Variants in PGLYRP2 observed in about 807,000 individuals in gnomAD.
The protein encoded by PGLYRP2 is peptidoglycan recognition protein 2, also known as N-acetylmuramoyl-L-alanine amidase.
A neutral mutation model predicts 46.2 loss-of-function variants in PGLYRP2; 38 were observed. That is an observed-to-expected ratio of 0.82 (90% confidence interval 0.64 to 1.08). The LOEUF is 1.08. Among genes scored for constraint, PGLYRP2 ranks in the 50% least tolerant of loss-of-function variants. The probability of loss-of-function intolerance (pLI) is 0.00; values close to 1 mark genes in which losing one functional copy is unlikely to be tolerated. For missense variants in PGLYRP2, 713 were observed against 755.9 expected (o/e 0.94, Z 0.67); for synonymous variants, 289 against 329.4 (o/e 0.88, Z 1.33).
Position 15,469,401 on chromosome 19 carries a change from C to G in PGLYRP2, c.1641+231G>C, listed in dbSNP as rs1476429465. Reference sequence around the variant, plus strand: ...TGGGGAAAGGACAGGCTGGCTGGGTCTGGGGCTGAGCTGAGGCTGCATAGG... The same window carrying G: ...TGGGGAAAGGACAGGCTGGCTGGGTGTGGGGCTGAGCTGAGGCTGCATAGG... On this transcript the variant is annotated intron_variant, in intron 4 of 4. Transcript: ENST00000340880. The surrounding 1 kb of genome is among the most constrained non-coding windows in gnomAD (Gnocchi z 4.9). The G allele has an allele frequency of 1.4e-6, 1 of 727,126 alleles. No individual in the cohort carries two copies. Among genetic ancestry groups the G allele is most frequent in the Non-Finnish European group, 2.5e-6 (1 of 406,774 alleles). 45.0% of individuals were successfully genotyped at this position (727,126 alleles called of 1,614,324 possible). A position where few individuals can be genotyped will look rare whatever the true frequency, so the allele number is the denominator to read the frequency against.
intron 2 of PGLYRP2, among the ~76,000 whole-genome samples, chr19:15,473,301 C>T (rs774989068): frequency 1.3e-5 from 2 of 151,582 alleles, no homozygotes; most frequent in Non-Finnish European, 2.9e-5. Context: ...GAAACCCCGT[C>T]TCTACTAAAA....
rs2145512564 is a variant in PGLYRP2, at chr19:15,469,076, A to T, written c.1642-324T>A. The T allele has an allele frequency of 1.9e-6, 1 of 518,630 alleles. No homozygotes were observed. Among genetic ancestry groups the T allele is most frequent in the East Asian group, 3.1e-5 (1 of 31,830 alleles). The allele number at this position is 518,630 out of a possible 1,614,324, so 32.1% of individuals were successfully genotyped here. A position where few individuals can be genotyped will look rare whatever the true frequency, so the allele number is the denominator to read the frequency against. ...CAGGGGTTAAGGAGTCAGGGACGAA[A>T]CAAGCAACCTCAGAGTTGAGATTGT... is the stretch of plus-strand genomic sequence containing the variant. On this transcript the variant is annotated intron_variant, in intron 4 of 4. Transcript: ENST00000340880. This position sits in a 1 kb window ranked among gnomAD's most constrained non-coding sequence, Gnocchi z 4.9.
chr19:15,472,051 C>G lies in PGLYRP2; in HGVS notation c.1182G>C (p.Arg394=), dbSNP rs758699113. 3.0e-5 allele frequency: 48 copies of G among 1,610,054 alleles called. No homozygotes were observed. The Admixed American group carries it at 6.0e-4, about 20-fold the overall frequency. The change falls in exon 3 of 5, where the codon CGG becomes CGC. Residue 394 remains arginine, a synonymous_variant. Coordinates refer to ENST00000340880, the MANE Select transcript of PGLYRP2 (RefSeq NM_052890.4). Reference sequence around the variant, plus strand: ...GCAGCTGCAGCAGCTTCGGGCGGCCCCGATAAGGCGCCGCTCCCCAGCGGC... The same window carrying G: ...GCAGCTGCAGCAGCTTCGGGCGGCCGCGATAAGGCGCCGCTCCCCAGCGGC... ...PRCRWGAAPY[R]GRPKLLQLPL... is the part of the protein sequence containing the mutation.
rs1324967936 is a variant in PGLYRP2 at position 15,475,921 on chromosome 19, TC to T, written c.748del (p.Asp250ThrfsTer19). 3.1e-6 allele frequency: 5 copies of T among 1,614,074 alleles called. No individual in the cohort carries two copies. The highest frequency in any genetic ancestry group is 4.2e-6 in the Non-Finnish European group (5 of 1,180,000). On this transcript the variant is annotated frameshift_variant, in exon 2 of 5. Coordinates refer to ENST00000340880, the MANE Select transcript of PGLYRP2 (RefSeq NM_052890.4). LOFTEE classifies it high-confidence loss of function. ...HPDLGTEGCW[D>X]QLSAPRTFTL... ...AAAGGTCCGAGGGGCAGAGAGCTGGTCCCAGCAGCCCTCAGTTCCCAGGTCT... is the reference window on the plus strand; with the variant it reads ...AAAGGTCCGAGGGGCAGAGAGCTGGTCCAGCAGCCCTCAGTTCCCAGGTCT...
rs1287953731 is a variant in PGLYRP2 at position 15,469,636 on chromosome 19, G to A, written c.1637C>T (p.Thr546Ile). Residue 546 changes from threonine (T) to isoleucine (I), a missense_variant, in exon 4 of 5, where the codon ACC becomes ATC. By Grantham distance (89) the Thr-to-Ile change is moderately conservative. Coordinates refer to ENST00000340880, the MANE Select transcript of PGLYRP2 (RefSeq NM_052890.4). This position sits in a 1 kb window ranked among gnomAD's most constrained non-coding sequence, Gnocchi z 4.9. ...GTGCAGGCTGCGAAGACTCACCGCG[G>A]TGAAGTGCGGCCAGGTGCGCAGCAG... ...FDLLRTWPHF[T>I]ATVKPRPARS... 6.4e-7 allele frequency: 1 copy of A among 1,574,786 alleles called. No homozygotes were observed. Among genetic ancestry groups the A allele is most frequent in the African/African-American group, 1.3e-5 (1 of 74,524 alleles).
intron 2 of PGLYRP2, among the ~76,000 whole-genome samples, chr19:15,473,294 A>G (rs1386097304): frequency 6.6e-6 from 1 of 151,614 alleles, no homozygotes; most frequent in Non-Finnish European, 1.5e-5. Context: ...ACATGGTGAA[A>G]CCCCGTCTCT....
Position 15,470,000 on chromosome 19 carries a change from C to G in PGLYRP2, c.1344-71G>C. Reference sequence around the variant, plus strand: ...CCCGGGCCCTTATCCGCTCCCCTCCCCGATTCTGTTGGTGTGCCAAGGGCC... The same window carrying G: ...CCCGGGCCCTTATCCGCTCCCCTCCGCGATTCTGTTGGTGTGCCAAGGGCC... On this transcript the variant is annotated intron_variant, in intron 3 of 4. Coordinates refer to ENST00000340880, the MANE Select transcript of PGLYRP2 (RefSeq NM_052890.4). This position sits in a 1 kb window ranked among gnomAD's most constrained non-coding sequence, Gnocchi z 4.9. 1 of 1,326,774 alleles carries G rather than the reference C, an allele frequency of 7.5e-7. No homozygotes were observed. The highest frequency in any genetic ancestry group is 9.6e-7 in the Non-Finnish European group (1 of 1,038,484). 82.2% of individuals were successfully genotyped at this position (1,326,774 alleles called of 1,614,324 possible). A position where few individuals can be genotyped will look rare whatever the true frequency, so the allele number is the denominator to read the frequency against.
chr19:15,470,235 TTTTTC>T lies in PGLYRP2; in HGVS notation c.1344-311_1344-307del, dbSNP rs879518254. Among the ~76,000 whole-genome samples, 9 of 150,772 alleles carry T rather than the reference TTTTTC, an allele frequency of 6.0e-5. No individual in the cohort carries two copies. The East Asian group carries it at 7.9e-4, about 13-fold the overall frequency. ...AGAGAGCTTTTCTGTTTTTGGGTTT[TTTTTC>T]TTTCCTTCCTTCCTTCCTTCCTTCC... is the stretch of plus-strand genomic sequence containing the variant. On this transcript the variant is annotated intron_variant, in intron 3 of 4. Coordinates refer to ENST00000340880, the MANE Select transcript of PGLYRP2 (RefSeq NM_052890.4).
rs781547118 is a variant in PGLYRP2, at chr19:15,471,973, C to T, written c.1260G>A (p.Thr420=). 1.2e-6 allele frequency: 2 copies of T among 1,614,058 alleles called. No homozygotes were observed. The highest frequency in any genetic ancestry group is 2.2e-5 in the East Asian group (1 of 44,878). ...HHTYVPAPPC[T]DFTRCAANMR... ...TGTTGGCTGCGCAGCGCGTGAAGTC[C>T]GTGCAGGGTGGTGCAGGCACGTAGG... Residue 420 remains threonine, a synonymous_variant, in exon 3 of 5, where the codon ACG becomes ACA. Transcript: ENST00000340880.
chr19:15,477,170 A>G (rs1970804929), intron 1 of PGLYRP2, among the ~76,000 whole-genome samples: 1 of 152,076 alleles, frequency 6.6e-6, no homozygotes, highest in Non-Finnish European at 1.5e-5. Flanking sequence ...AGGTGAGTGG[A>G]TCACCTGAGA....
rs543134071 is a variant in PGLYRP2 at position 15,472,779 on chromosome 19, A to G, written c.1133-679T>C. 8.5e-5 allele frequency among the ~76,000 whole-genome samples: 13 copies of G among 152,282 alleles called. No homozygotes were observed. In the South Asian group the frequency reaches 2.3e-3, roughly 27 times the overall value. ...TTTCCCAAAGCAATCTACAGATTCAATGCAATCTCTATCAAAATATCAAAG... is the reference window on the plus strand; with the variant it reads ...TTTCCCAAAGCAATCTACAGATTCAGTGCAATCTCTATCAAAATATCAAAG... On this transcript the variant is annotated intron_variant, in intron 2 of 4. Transcript: ENST00000340880.
Position 15,474,576 on chromosome 19 carries a change from A to G in PGLYRP2, c.1132+962T>C, listed in dbSNP as rs562007161. 4.6e-5 allele frequency among the ~76,000 whole-genome samples: 7 copies of G among 152,272 alleles called. 1 individual carries two copies. In the East Asian group the frequency reaches 1.3e-3, roughly 29 times the overall value. On this transcript the variant is annotated intron_variant, in intron 2 of 4. Coordinates refer to ENST00000340880, the MANE Select transcript of PGLYRP2 (RefSeq NM_052890.4). Reference sequence around the variant, plus strand: ...AATATGATATATATTACAGGCCTGGATGGCTCTGGGTCTGAGAGCCCTGGA... The same window carrying G: ...AATATGATATATATTACAGGCCTGGGTGGCTCTGGGTCTGAGAGCCCTGGA...
chr19:15,468,695 G>C lies in PGLYRP2; in HGVS notation c.1699C>G (p.Pro567Ala), dbSNP rs752214257. 6.8e-6 allele frequency: 11 copies of C among 1,613,304 alleles called. No homozygotes were observed. The highest frequency in any genetic ancestry group is 9.3e-6 in the Non-Finnish European group (11 of 1,179,618). The change falls in exon 5 of 5, where the codon CCA becomes GCA. Residue 567 changes from proline (P) to alanine (A), a missense_variant. Transcript: ENST00000340880. Reference sequence around the variant, plus strand: ...AGGTCTGTGGCTGGCAGGGTCCTTGGGGGTGGCTCCCTCCTGGATCTCTTA... The same window carrying C: ...AGGTCTGTGGCTGGCAGGGTCCTTGCGGGTGGCTCCCTCCTGGATCTCTTA... The part of the protein sequence containing the change: ...VSKRSRREPP[P>A]RTLPATDLQ
At position 15,469,514 on chromosome 19, in the gene PGLYRP2, T is replaced by C. The variant is rs375239066; in HGVS notation, c.1641+118A>G. 1.7e-4 allele frequency: 233 copies of C among 1,382,990 alleles called. 1 individual carries two copies. Among genetic ancestry groups the C allele is most frequent in the Non-Finnish European group, 2.0e-4 (203 of 1,006,254 alleles). The allele number at this position is 1,382,990 out of a possible 1,614,324, so 85.7% of individuals were successfully genotyped here. The stretch of plus-strand genomic sequence containing the variant: ...CCTGAATAGACGTGCCGCCGGGAAG[T>C]TGGGGGCCTGGCTGAGGCTGTGCGG... On this transcript the variant is annotated intron_variant, in intron 4 of 4. Transcript: ENST00000340880. This position sits in a 1 kb window ranked among gnomAD's most constrained non-coding sequence, Gnocchi z 4.9.
intron 4 of PGLYRP2, 40 bp from the exon 5 acceptor site, chr19:15,468,792 G>A: frequency 6.5e-7 from 1 of 1,535,964 alleles, no homozygotes; most frequent in South Asian, 1.2e-5. Flanking sequence ...GGGGGTGGTT[G>A]TGGTATGTGG....
intron 2 of PGLYRP2, among the ~76,000 whole-genome samples, chr19:15,472,610 A>G (rs4808308): frequency 0.76 from 115,576 of 151,394 alleles, 44,626 homozygotes; most frequent in African/African-American, 0.89. Flanking sequence ...AAAAAATTGG[A>G]GGTGGGGGCA....
intron 2 of PGLYRP2, among the ~76,000 whole-genome samples, chr19:15,474,577 T>TGGCTCTGGGTCTGAGAGCCCTGGAC (rs1489459385): frequency 1.3e-5 from 2 of 152,168 alleles, no homozygotes; most frequent in Non-Finnish European, 2.9e-5. Context: ...CAGGCCTGGA[T>TGGCTCTGGGTCTGAGAGCCCTGGAC]GGCTCTGGGT....
rs1336247994 is a variant in PGLYRP2, at chr19:15,468,693, TG to T, written c.1700del (p.Pro567GlnfsTer?). Reference sequence around the variant, plus strand: ...GGAGGTCTGTGGCTGGCAGGGTCCTTGGGGGTGGCTCCCTCCTGGATCTCTT... The same window carrying T: ...GGAGGTCTGTGGCTGGCAGGGTCCTTGGGGTGGCTCCCTCCTGGATCTCTT... ...VSKRSRREPP[P>X]RTLPATDLQ On this transcript the variant is annotated frameshift_variant, in exon 5 of 5. Transcript: ENST00000340880. LOFTEE classifies it high-confidence loss of function. 2 of 1,612,948 alleles carry T rather than the reference TG, an allele frequency of 1.2e-6. No homozygotes were observed. Among genetic ancestry groups the T allele is most frequent in the Non-Finnish European group, 1.7e-6 (2 of 1,179,446 alleles).
chr19:15,470,280 C>A (rs1183075099), intron 3 of PGLYRP2, among the ~76,000 whole-genome samples: 3 of 131,916 alleles, frequency 2.3e-5, no homozygotes, highest in African/African-American at 9.0e-5. Context: ...TTCCTTCCTT[C>A]CTTCCTTCCT....
Sources: allele counts gnomAD v4.1 joint callset (sites outside exome capture counted in the v4.1 genomes callset), GRCh38; gene constraint gnomAD v4.1.1; non-coding constraint Gnocchi (gnomAD v3.1); transcripts MANE v1.5; gene names NCBI Gene and HGNC (gene_info 2026-07-23, HGNC 2026-07-21).